INTS2: variants seen among roughly 807,000 people sequenced by gnomAD.
INTS2 encodes integrator complex subunit 2.
INTS2 carries 57 observed loss-of-function variants against 139.6 expected under a neutral mutation model. The observed-to-expected ratio is 0.41, with a 90% CI of 0.33 to 0.51. The LOEUF (loss-of-function observed/expected upper bound fraction) is 0.51, where lower values mean the gene tolerates loss of function less well. Among genes scored for constraint, INTS2 ranks in the 20% least tolerant of loss-of-function variants. The pLI, the probability that INTS2 is intolerant of heterozygous loss-of-function variation, is 0.28. For missense variants in INTS2, 1,196 were observed against 1,436.7 expected (o/e 0.83, Z 2.71); for synonymous variants, 473 against 493.4 (o/e 0.96, Z 0.55).
chr17:61,887,070 C>G (rs1413383004), intron 15 of INTS2, among the ~76,000 whole-genome samples: 1 of 152,174 alleles, frequency 6.6e-6, no homozygotes, highest in African/African-American at 2.4e-5. Context: ...TATTACAATA[C>G]TTAATACTAA....
At position 61,904,531 on chromosome 17, in the gene INTS2, A is replaced by G; in HGVS notation, c.1236T>C (p.Pro412=). ...QLLQLMTSRP[P]ATPAGVRFVS... is the part of the protein sequence containing the mutation. ...CAAAGCGAACCCCAGCTGGCGTAGC[A>G]GGAGGACGGCTCGTCATCAACTGCA... The change falls in exon 9 of 25, where the codon CCT becomes CCC. Residue 412 remains proline (P), a synonymous_variant. Coordinates refer to ENST00000251334, the MANE Select transcript of INTS2 (RefSeq NM_001351695.2). 5 of 1,612,132 alleles carry G rather than the reference A, an allele frequency of 3.1e-6. No homozygotes were observed. The highest frequency in any genetic ancestry group is 4.2e-6 in the Non-Finnish European group (5 of 1,178,668).
chr17:61,908,439 T>C (rs1334501685), intron 7 of INTS2, among the ~76,000 whole-genome samples: 1 of 152,014 alleles, frequency 6.6e-6, no homozygotes. Context: ...GAGTTTACAA[T>C]TCTATAACCA....
At chr17:61,884,359 C>T (rs923579564) in intron 16 of INTS2, among the ~76,000 whole-genome samples, 31 of 152,018 alleles carry the variant, frequency 2.0e-4, no homozygotes, top group Admixed American at 1.6e-3. Flanking sequence ...GGCATGGTGG[C>T]GCACATGCCT....
chr17:61,883,870 G>A (rs749189610), intron 16 of INTS2, among the ~76,000 whole-genome samples: 9 of 151,690 alleles, frequency 5.9e-5, no homozygotes, highest in Non-Finnish European at 1.0e-4. Flanking sequence ...TTAGCTGGGC[G>A]TGGTGGCATA....
chr17:61,868,159 A>G lies in INTS2; in HGVS notation c.3245-150T>C. On this transcript the variant is annotated intron_variant, in intron 23 of 24. Coordinates refer to ENST00000251334, the MANE Select transcript of INTS2 (RefSeq NM_001351695.2). This position sits in a 1 kb window ranked among gnomAD's most constrained non-coding sequence, Gnocchi z 4.7. ...GTCTTCAGAAAGCTCACAATCTAGTAGTCTCAGTCTTTATCCAAGATACAA... is the reference window on the plus strand; with the variant it reads ...GTCTTCAGAAAGCTCACAATCTAGTGGTCTCAGTCTTTATCCAAGATACAA... 5.4e-6 allele frequency: 3 copies of G among 554,560 alleles called. No individual in the cohort carries two copies. The highest frequency in any genetic ancestry group is 6.1e-6 in the Non-Finnish European group (2 of 329,194). The allele number at this position is 554,560 out of a possible 1,614,324, so 34.4% of individuals were successfully genotyped here. A position where few individuals can be genotyped will look rare whatever the true frequency, so the allele number is the denominator to read the frequency against.
intron 5 of INTS2, among the ~76,000 whole-genome samples, chr17:61,913,404 A>C (rs1190178020): frequency 6.6e-6 from 1 of 151,662 alleles, no homozygotes; most frequent in Non-Finnish European, 1.5e-5. Flanking sequence ...AAGTAGCCAG[A>C]GGGAAAAAGA....
intron 7 of INTS2, 146 bp downstream of exon 7, chr17:61,911,374 T>C (rs1202168551): frequency 5.3e-6 from 3 of 570,858 alleles, no homozygotes; most frequent in African/African-American, 1.9e-5. Flanking sequence ...GTATCCTTAG[T>C]GATTTTTTAA....
intron 12 of INTS2, among the ~76,000 whole-genome samples, chr17:61,894,485 G>GTATA (rs1181622320): frequency 6.6e-6 from 1 of 152,132 alleles, no homozygotes; most frequent in Non-Finnish European, 1.5e-5. Context: ...TAATTCAGGA[G>GTATA]TATATGTGCA....
chr17:61,889,047 CA>C (rs2079261098), intron 15 of INTS2, among the ~76,000 whole-genome samples: 1 of 146,002 alleles, frequency 6.8e-6, no homozygotes, highest in Non-Finnish European at 1.5e-5. Flanking sequence ...AAACAAAAAA[CA>C]AAAAACAAAC....
intron 15 of INTS2, 88 bp from the exon 16 acceptor site, chr17:61,885,093 G>A: frequency 1.2e-6 from 1 of 851,468 alleles, no homozygotes; most frequent in South Asian, 1.6e-5. Flanking sequence ...CAAAAACAAA[G>A]TCAAATTACT....
intron 15 of INTS2, among the ~76,000 whole-genome samples, chr17:61,887,342 G>C (rs904812268): frequency 2.0e-5 from 3 of 152,038 alleles, no homozygotes; most frequent in African/African-American, 7.2e-5. Flanking sequence ...ATTCAGTGGG[G>C]CGTGTTAGTG....
intron 5 of INTS2, among the ~76,000 whole-genome samples, chr17:61,918,741 G>A (rs1005595489): frequency 6.6e-6 from 1 of 152,014 alleles, no homozygotes; most frequent in Non-Finnish European, 1.5e-5. Context: ...AAATGTAGTC[G>A]ATTTTTCTCA....
chr17:61,900,648 C>G (rs1445188595), intron 9 of INTS2, among the ~76,000 whole-genome samples: 4 of 152,090 alleles, frequency 2.6e-5, no homozygotes, highest in African/African-American at 9.7e-5. Flanking sequence ...TATGCTTTTT[C>G]ATTTCCTAGT....
chr17:61,884,201 G>T (rs1201413145), intron 16 of INTS2, among the ~76,000 whole-genome samples: 3 of 151,814 alleles, frequency 2.0e-5, no homozygotes, highest in East Asian at 3.9e-4. Flanking sequence ...CTTAGATGAG[G>T]CAGGGGAGGC....
rs764637437 is a variant in INTS2, at chr17:61,911,950, C to T, written c.770G>A (p.Arg257Gln). Residue 257 changes from arginine to glutamine, a missense_variant, in exon 6 of 25, where the codon CGA becomes CAA. Physicochemically the swap from Arg to Gln is conservative, Grantham distance 43. This residue lies in a region of INTS2 where 1,129 missense variants were observed against 1,341.9 expected (regional missense o/e 0.84). Transcript: ENST00000251334. ...KMNPSQALKV[R>Q]GMVVEECHLP... ...CACAGGATCACTTACCACCATGCCT[C>T]GGACCTTGAGGGCCTGAGAAGGATT... is the stretch of plus-strand genomic sequence containing the variant. The T allele has an allele frequency of 6.8e-6, 11 of 1,612,980 alleles. No individual in the cohort carries two copies. Among genetic ancestry groups the T allele is most frequent in the East Asian group, 6.7e-5 (3 of 44,864 alleles).
Position 61,891,639 on chromosome 17 carries a change from T to C in INTS2, c.1749A>G (p.Gln583=), listed in dbSNP as rs753765. The part of the protein sequence containing the change: ...LCETSTPLHP[Q]LLPLIDVYIN... ...TGTACACATCAATCAAAGGAAGTAA[T>C]TGAGGATGAAGTGGAGTAGAGGTTT... The change falls in exon 14 of 25, where the codon CAA becomes CAG. Residue 583 remains glutamine, a synonymous_variant. Transcript: ENST00000251334. The C allele has an allele frequency of 0.078, 125,688 of 1,612,594 alleles. 8,091 individuals are homozygous for C. The highest frequency in any genetic ancestry group is 0.28 in the South Asian group (25,674 of 90,990).
chr17:61,875,017 A>T lies in INTS2; in HGVS notation c.2478T>A (p.Asn826Lys). The change falls in exon 19 of 25, where the codon AAT (asparagine) becomes AAA (lysine). Residue 826 changes from asparagine to lysine, a missense_variant. Around this residue, in one of 3 missense-constraint regions of INTS2, gnomAD observed 1,129 missense variants for 1,341.9 expected, o/e 0.84. Transcript: ENST00000251334. This position sits in a 1 kb window ranked among gnomAD's most constrained non-coding sequence, Gnocchi z 4.6. ...CAAACTTTATTGAAGGCTGAAGTGCATTAACCGTCATTACCCATAGCCTGA... is the reference window on the plus strand; with the variant it reads ...CAAACTTTATTGAAGGCTGAAGTGCTTTAACCGTCATTACCCATAGCCTGA... ...MPRRLWVMTV[N>K]ALQPSIKFVR... 3.8e-6 allele frequency: 6 copies of T among 1,595,378 alleles called. No homozygotes were observed. Among genetic ancestry groups the T allele is most frequent in the Non-Finnish European group, 5.1e-6 (6 of 1,169,900 alleles).
At chr17:61,890,526 C>T (rs144262579) in intron 14 of INTS2, among the ~76,000 whole-genome samples, 258 of 150,868 alleles carry the variant, frequency 1.7e-3, no homozygotes, top group African/African-American at 5.9e-3. Context: ...ATGAGAATCA[C>T]TTGAACCCAG....
chr17:61,907,932 A>T (rs1471628269), intron 7 of INTS2, among the ~76,000 whole-genome samples: 5 of 152,328 alleles, frequency 3.3e-5, no homozygotes, highest in South Asian at 2.1e-4. Flanking sequence ...TAACAAAGTG[A>T]TATGTGGTAT....
Sources: gnomAD v4.1 joint callset for allele counts (sites outside exome capture counted in the v4.1 genomes callset) on GRCh38, gnomAD v4.1.1 for gene constraint, gnomAD v4.1.1 regional missense constraint, Gnocchi (gnomAD v3.1) non-coding constraint, MANE v1.5 for transcripts, NCBI Gene and HGNC (gene_info 2026-07-23, HGNC 2026-07-21) for gene names.